The following TRPC4AP variants were observed in gnomAD, a reference collection of about 807,000 sequenced individuals.
The protein encoded by TRPC4AP is short transient receptor potential channel 4-associated protein.
A neutral mutation model predicts 99.0 loss-of-function variants in TRPC4AP; 45 were observed. The observed-to-expected ratio is 0.45, with a 90% CI of 0.36 to 0.58. The LOEUF (loss-of-function observed/expected upper bound fraction) is 0.58. Among genes scored for constraint, TRPC4AP ranks in the 20% least tolerant of loss-of-function variants. The pLI, the probability that TRPC4AP is intolerant of heterozygous loss-of-function variation, is 0.00. For missense variants in TRPC4AP, 879 were observed against 985.3 expected (o/e 0.89, Z 1.44); for synonymous variants, 408 against 385.8 (o/e 1.06, Z -0.67).
In TRPC4AP at chr20:35,069,323, G is replaced by A. The variant is rs1998233; in HGVS notation, c.387C>T (p.Tyr129=). The A allele has an allele frequency of 0.73, 1,166,940 of 1,602,508 alleles. 427,776 individuals carry two copies. Among genetic ancestry groups the A allele is most frequent in the Admixed American group, 0.87 (52,083 of 59,922 alleles). Residue 129 remains tyrosine, a synonymous_variant, in exon 3 of 19, where the codon TAC becomes TAT. Coordinates refer to ENST00000252015, the MANE Select transcript of TRPC4AP (RefSeq NM_015638.3). ...CAACACCTCCAAACAAGTCAAAAAT[G>A]TAAGTATTTGGATAAGTGGTTTCTT... ...LTQETTYPNT[Y]IFDLFGGVDL... is the part of the protein sequence containing the mutation.
intron 6 of TRPC4AP, among the ~76,000 whole-genome samples, chr20:35,045,573 T>C (rs983346241): frequency 5.3e-5 from 8 of 152,072 alleles, no homozygotes; most frequent in Admixed American, 4.6e-4. Flanking sequence ...TGGTATCTCA[T>C]TGTCGCCCAG....
At chr20:35,076,320 T>C (rs907992002) in intron 2 of TRPC4AP, among the ~76,000 whole-genome samples, 6 of 152,236 alleles carry the variant, frequency 3.9e-5, no homozygotes, top group African/African-American at 1.4e-4. Flanking sequence ...GCTGTGTTCC[T>C]TTGGAGGAGA....
rs1190997927 is a variant in TRPC4AP at position 35,002,461 on chromosome 20, A to ATAAAT, written c.*680_*684dup. On this transcript the variant is annotated 3_prime_UTR_variant, in exon 19 of 19. Coordinates refer to ENST00000252015, the MANE Select transcript of TRPC4AP (RefSeq NM_015638.3). The stretch of plus-strand genomic sequence containing the variant: ...CATTTAATTGGTTTATTTGCTGTTA[A>ATAAAT]TAAATTGGCAACACAAGGAAGGGCC... 5 of 357,180 alleles carry ATAAAT rather than the reference A, an allele frequency of 1.4e-5. No homozygotes were observed. Among genetic ancestry groups the ATAAAT allele is most frequent in the East Asian group, 1.3e-4 (3 of 23,756 alleles). The allele number at this position is 357,180 out of a possible 1,614,324, so 22.1% of individuals were successfully genotyped here. A position where few individuals can be genotyped will look rare whatever the true frequency, so the allele number is the denominator to read the frequency against.
chr20:35,034,555 C>G (rs2083274643), intron 8 of TRPC4AP, among the ~76,000 whole-genome samples: 1 of 151,916 alleles, frequency 6.6e-6, no homozygotes, highest in African/African-American at 2.4e-5. Context: ...GCCCCCCACT[C>G]CCAATGAGAA....
chr20:35,024,271 C>A (rs1156907153), intron 8 of TRPC4AP, among the ~76,000 whole-genome samples: 1 of 152,034 alleles, frequency 6.6e-6, no homozygotes, highest in Non-Finnish European at 1.5e-5. Context: ...ATATCTTCAT[C>A]ACCCCCCAAA....
chr20:35,023,057 C>T (rs966032339), intron 8 of TRPC4AP, among the ~76,000 whole-genome samples: 1 of 151,632 alleles, frequency 6.6e-6, no homozygotes, highest in Admixed American at 6.6e-5. Context: ...ATCTAACTTA[C>T]TCTATCCTAC....
At position 35,049,870 on chromosome 20, in the gene TRPC4AP, T is replaced by G; in HGVS notation, c.653A>C (p.Lys218Thr). 2 of 1,613,158 alleles carry G rather than the reference T, an allele frequency of 1.2e-6. No homozygotes were observed. Among genetic ancestry groups the G allele is most frequent in the Non-Finnish European group, 1.7e-6 (2 of 1,179,496 alleles). ...ATLIEDILGVKKEMIRLDEVP... is the reference protein window; with the variant it reads ...ATLIEDILGVTKEMIRLDEVP... ...CAGCTAGAGGACACAGCTCACCTTT[T>G]TAACACCCAAAATATCTTCAATGAG... is the stretch of plus-strand genomic sequence containing the variant. The change falls in exon 6 of 19, where the codon AAA becomes ACA. Residue 218 changes from lysine to threonine, a missense_variant. Transcript: ENST00000252015.
chr20:35,026,701 A>G (rs2083039615), intron 8 of TRPC4AP, among the ~76,000 whole-genome samples: 1 of 152,148 alleles, frequency 6.6e-6, no homozygotes, highest in Non-Finnish European at 1.5e-5. Context: ...TTCTGATTCA[A>G]AGACATGGGA....
chr20:35,075,557 C>A (rs1024495953), intron 2 of TRPC4AP, among the ~76,000 whole-genome samples: 1 of 152,170 alleles, frequency 6.6e-6, no homozygotes, highest in Non-Finnish European at 1.5e-5. Context: ...GTTGAAAATT[C>A]TTTTCTTTAA....
chr20:35,045,531 T>C (rs182991146), intron 6 of TRPC4AP, among the ~76,000 whole-genome samples: 122 of 152,226 alleles, frequency 8.0e-4, no homozygotes, highest in Middle Eastern at 3.4e-3. Flanking sequence ...TCATTACACC[T>C]GGCTACTTTT....
At chr20:35,040,276 T>C (rs1264231752) in intron 7 of TRPC4AP, among the ~76,000 whole-genome samples, 3 of 152,052 alleles carry the variant, frequency 2.0e-5, no homozygotes, top group Non-Finnish European at 4.4e-5. Context: ...CCAGAAGAGA[T>C]TGGTGTATGA....
Position 35,013,011 on chromosome 20 carries a change from T to C in TRPC4AP, c.1406A>G (p.His469Arg), listed in dbSNP as rs749105969. ...GCAGGGACACTCTTGTACTTACTCG[T>C]GGTGGTCACTGAAGCTCTGAAGAAG... Reference protein sequence around the residue: ...LRLLQSFSDHHENKYLLLNNQ... With the variant: ...LRLLQSFSDHRENKYLLLNNQ... The change falls in exon 11 of 19, where the codon CAC becomes CGC. Residue 469 changes from histidine (H) to arginine (R), a missense_variant. His to Arg is a conservative substitution (Grantham distance 29, BLOSUM62 0). Coordinates refer to ENST00000252015, the MANE Select transcript of TRPC4AP (RefSeq NM_015638.3). The C allele has an allele frequency of 1.2e-6, 2 of 1,614,070 alleles. No individual in the cohort carries two copies. The highest frequency in any genetic ancestry group is 1.1e-5 in the South Asian group (1 of 91,082).
chr20:35,066,111 A>AC (rs2084137683), intron 3 of TRPC4AP, among the ~76,000 whole-genome samples: 1 of 148,278 alleles, frequency 6.7e-6, no homozygotes, highest in South Asian at 2.1e-4. Context: ...AAAGAGTACA[A>AC]TTTTTTTTTT....
intron 13 of TRPC4AP, among the ~76,000 whole-genome samples, chr20:35,008,460 C>T (rs1348482634): frequency 1.3e-5 from 2 of 152,142 alleles, no homozygotes; most frequent in African/African-American, 4.8e-5. Flanking sequence ...GGTGAATGCT[C>T]GGTCACTGTG....
chr20:35,037,325 C>A (rs2083341419), intron 7 of TRPC4AP, among the ~76,000 whole-genome samples: 1 of 116,750 alleles, frequency 8.6e-6, no homozygotes. Context: ...CCGGCCTGGG[C>A]GAAAGAGCGA....
chr20:35,049,716 G>C, intron 6 of TRPC4AP, 150 bp downstream of exon 6: 3 of 791,946 alleles, frequency 3.8e-6, no homozygotes, highest in Non-Finnish European at 5.6e-6. Flanking sequence ...CTAGTATAAG[G>C]GGTAATCAAG....
intron 8 of TRPC4AP, among the ~76,000 whole-genome samples, chr20:35,022,802 C>A (rs1330282281): frequency 2.0e-5 from 3 of 152,156 alleles, no homozygotes; most frequent in African/African-American, 4.8e-5. Flanking sequence ...AGGTGGACTG[C>A]TTGAGCCTAG....
At chr20:35,084,586 T>G (rs1391073973) in intron 1 of TRPC4AP, among the ~76,000 whole-genome samples, 1 of 136,532 alleles carries the variant, frequency 7.3e-6, no homozygotes, top group Admixed American at 7.7e-5. Flanking sequence ...GTATATATGT[T>G]TATATGCATA....
At chr20:35,005,861 C>T in intron 15 of TRPC4AP, 58 bp from the exon 16 acceptor site, 5 of 1,511,396 alleles carry the variant, frequency 3.3e-6, no homozygotes, top group East Asian at 4.5e-5. Context: ...ATGGCCATGG[C>T]CCGGGGGGAT....
Sources: gnomAD v4.1 joint callset for allele counts (sites outside exome capture counted in the v4.1 genomes callset) on GRCh38, gnomAD v4.1.1 for gene constraint, MANE v1.5 for transcripts, NCBI Gene and HGNC (gene_info 2026-07-23, HGNC 2026-07-21) for gene names.